Variants in DCDC2C observed in about 807,000 individuals in gnomAD.
DCDC2C encodes the protein doublecortin domain containing 2C.
DCDC2C carries 44 observed loss-of-function variants against 45.0 expected under a neutral mutation model. That is an observed-to-expected ratio of 0.98 (90% CI 0.77 to 1.26). The LOEUF is 1.26. DCDC2C is among the 50% of genes most tolerant of loss of function. The pLI, the probability that DCDC2C is intolerant of heterozygous loss-of-function variation, is 0.00. For synonymous variants in DCDC2C, 187 were observed against 178.8 expected, an observed-to-expected ratio of 1.05 and a Z score of -0.37; for missense variants, 447 against 468.9, an observed-to-expected ratio of 0.95 and a Z score of 0.43.
intron 10 of DCDC2C, among the ~76,000 whole-genome samples, chr2:3,791,625 C>T (rs1204418834): frequency 6.6e-6 from 1 of 152,184 alleles, no homozygotes; most frequent in Non-Finnish European, 1.5e-5. Context: ...CTCAAATTCT[C>T]ATCCTCTTTC....
At chr2:3,769,587 C>G (rs1424627998) in intron 8 of DCDC2C, among the ~76,000 whole-genome samples, 176 bp downstream of exon 8, 1 of 152,222 alleles carries the variant, frequency 6.6e-6, no homozygotes, top group Non-Finnish European at 1.5e-5. Flanking sequence ...ATTTTCCTGT[C>G]TTCCCACCTC....
At chr2:3,714,690 T>C (rs903414921) in intron 2 of DCDC2C, among the ~76,000 whole-genome samples, 3 of 152,216 alleles carry the variant, frequency 2.0e-5, no homozygotes, top group Non-Finnish European at 4.4e-5. Flanking sequence ...AATTTCTTAA[T>C]ATACATTTTA....
intron 2 of DCDC2C, among the ~76,000 whole-genome samples, chr2:3,714,313 T>A (rs1021423750): frequency 3.3e-5 from 5 of 152,206 alleles, no homozygotes; most frequent in Non-Finnish European, 7.3e-5. Flanking sequence ...GAACAAATGC[T>A]CTTGGGGTCT....
intron 6 of DCDC2C, among the ~76,000 whole-genome samples, chr2:3,762,291 G>A (rs757561586): frequency 6.6e-6 from 1 of 151,552 alleles, no homozygotes; most frequent in African/African-American, 2.4e-5. Flanking sequence ...AAATGGCTGT[G>A]TAAGTGGAAA....
At chr2:3,733,991 A>C (rs357955) in intron 3 of DCDC2C, among the ~76,000 whole-genome samples, 146,970 of 152,296 alleles carry the variant, frequency 0.97, 71,103 homozygotes, top group Non-Finnish European at 1. Flanking sequence ...TATTTTCCCA[A>C]GTGTCATCTG....
intron 6 of DCDC2C, among the ~76,000 whole-genome samples, chr2:3,765,612 G>A (rs187550207): frequency 3.5e-4 from 54 of 152,270 alleles, no homozygotes; most frequent in Admixed American, 6.5e-4. Flanking sequence ...GTGATGAGGC[G>A]TGCTGGCATT....
chr2:3,733,816 G>T (rs926301395), intron 3 of DCDC2C, among the ~76,000 whole-genome samples: 1 of 152,164 alleles, frequency 6.6e-6, no homozygotes, highest in African/African-American at 2.4e-5. Context: ...TGAACTGGGG[G>T]GTGAGGGGAC....
chr2:3,717,727 C>T (rs1010069442), intron 2 of DCDC2C, among the ~76,000 whole-genome samples: 2 of 152,108 alleles, frequency 1.3e-5, no homozygotes, highest in Non-Finnish European at 2.9e-5. Flanking sequence ...TTGATCTGGC[C>T]CCTGTGTTCT....
rs553736667 is a variant in DCDC2C at position 3,818,236 on chromosome 2, G to A, written c.1066-28918G>A. On this transcript the variant is annotated intron_variant, in intron 10 of 10. Coordinates refer to ENST00000399143, the MANE Select transcript of DCDC2C (RefSeq NM_001287444.2). This position sits in a 1 kb window ranked among gnomAD's most constrained non-coding sequence, Gnocchi z 4.7. ...AATTATGAGAAAGGGCTTGACTGAAGTAATGAGGGCTGTCCATGAAGCCTT... is the reference window on the plus strand; with the variant it reads ...AATTATGAGAAAGGGCTTGACTGAAATAATGAGGGCTGTCCATGAAGCCTT... 1.1e-4 allele frequency among the ~76,000 whole-genome samples: 16 copies of A among 152,206 alleles called. No individual in the cohort carries two copies. The highest frequency in any genetic ancestry group is 2.4e-4 in the Non-Finnish European group (16 of 68,034).
At chr2:3,725,090 G>A (rs1024894311) in intron 2 of DCDC2C, among the ~76,000 whole-genome samples, 37 of 152,196 alleles carry the variant, frequency 2.4e-4, no homozygotes, top group Non-Finnish European at 1.9e-4. Context: ...CCTTCTGGGG[G>A]ATGGGGTGCA....
intron 10 of DCDC2C, among the ~76,000 whole-genome samples, chr2:3,815,692 A>G (rs1277467253): frequency 6.6e-6 from 1 of 152,162 alleles, no homozygotes; most frequent in African/African-American, 2.4e-5. Flanking sequence ...GGATTTGGGT[A>G]GGTAGTGGAA....
chr2:3,830,822 T>A (rs1332012814), intron 10 of DCDC2C, among the ~76,000 whole-genome samples: 2 of 152,160 alleles, frequency 1.3e-5, no homozygotes, highest in Non-Finnish European at 2.9e-5. Context: ...GTTCACTACA[T>A]TTTTCTTTGC....
intron 8 of DCDC2C, among the ~76,000 whole-genome samples, chr2:3,778,279 A>G (rs1301417933): frequency 6.6e-6 from 1 of 152,240 alleles, no homozygotes; most frequent in Non-Finnish European, 1.5e-5. Context: ...CTACAGAAAT[A>G]TAAAGGAAGT....
At chr2:3,757,681 C>T (rs1449539310) in intron 6 of DCDC2C, among the ~76,000 whole-genome samples, 1 of 152,268 alleles carries the variant, frequency 6.6e-6, no homozygotes, top group Non-Finnish European at 1.5e-5. Context: ...GTGTAAGTTT[C>T]CACGACTGGA....
intron 6 of DCDC2C, among the ~76,000 whole-genome samples, chr2:3,756,097 C>T (rs1194879300): frequency 1.3e-5 from 2 of 150,748 alleles, no homozygotes; most frequent in Non-Finnish European, 3.0e-5. Context: ...TGTGTGTGTG[C>T]TGATCACACA....
At chr2:3,768,969 C>T (rs1670087754) in intron 7 of DCDC2C, 1 of 211,030 alleles carries the variant, frequency 4.7e-6, no homozygotes, top group Non-Finnish European at 9.6e-6. Context: ...TGGACCAAGG[C>T]TTGGTGGACA....
At chr2:3,708,067 T>C (rs548897940) in intron 1 of DCDC2C, among the ~76,000 whole-genome samples, 1 of 152,316 alleles carries the variant, frequency 6.6e-6, no homozygotes, top group African/African-American at 2.4e-5. Context: ...TGCTGGTGAC[T>C]CTTTTCCAGT....
At chr2:3,784,492 G>A (rs149893622) in intron 9 of DCDC2C, among the ~76,000 whole-genome samples, 1,639 of 152,110 alleles carry the variant, frequency 0.011, 28 homozygotes, top group African/African-American at 0.037. Context: ...CAGGAAGAGA[G>A]AGAGGGAGAT....
chr2:3,794,361 T>A (rs944986242), intron 10 of DCDC2C, among the ~76,000 whole-genome samples: 7 of 152,112 alleles, frequency 4.6e-5, no homozygotes, highest in East Asian at 1.9e-4. Flanking sequence ...TTATTATTTT[T>A]AAATTTATTT....
Sources: allele counts gnomAD v4.1 joint callset (sites outside exome capture counted in the v4.1 genomes callset), GRCh38; gene constraint gnomAD v4.1.1; non-coding constraint Gnocchi (gnomAD v3.1); transcripts MANE v1.5; gene names NCBI Gene and HGNC (gene_info 2026-07-23, HGNC 2026-07-21).